The following ENPP6 variants were observed in gnomAD, a reference collection of about 807,000 sequenced individuals.
ENPP6 encodes glycerophosphocholine cholinephosphodiesterase ENPP6.
Under a neutral mutation model 42.0 loss-of-function variants are expected in ENPP6, and 32 were observed. The observed-to-expected ratio is 0.76, with a 90% CI of 0.58 to 1.02. ENPP6 has a LOEUF of 1.02. Ranked by LOEUF, ENPP6 falls within the 50% of genes least tolerant of loss-of-function variation. The pLI is 0.00. For synonymous variants in ENPP6, 213 were observed against 216.0 expected (o/e 0.99, Z 0.12); for missense variants, 552 against 566.8 (o/e 0.97, Z 0.27).
intron 1 of ENPP6, among the ~76,000 whole-genome samples, chr4:184,182,211 G>T (rs551820515): frequency 6.7e-6 from 1 of 150,098 alleles, no homozygotes; most frequent in Non-Finnish European, 1.5e-5. Flanking sequence ...GACAAAAACA[G>T]ACACTTCTCA....
chr4:184,192,174 A>G (rs969876964), intron 1 of ENPP6, among the ~76,000 whole-genome samples: 3 of 152,262 alleles, frequency 2.0e-5, no homozygotes, highest in African/African-American at 7.2e-5. Flanking sequence ...TAGCCAAAAC[A>G]ATCTTAAAAA....
intron 5 of ENPP6, among the ~76,000 whole-genome samples, chr4:184,114,387 T>C (rs1359302753): frequency 6.6e-6 from 1 of 152,236 alleles, no homozygotes; most frequent in African/African-American, 2.4e-5. Flanking sequence ...TCACTGAATA[T>C]AAGATTGAGT....
At chr4:184,209,154 C>T (rs1422020483) in intron 1 of ENPP6, among the ~76,000 whole-genome samples, 3 of 151,354 alleles carry the variant, frequency 2.0e-5, no homozygotes, top group Non-Finnish European at 4.4e-5. Context: ...AACAGAAAAA[C>T]TGGAAACTCT....
chr4:184,168,730 G>A (rs980784548), intron 1 of ENPP6, among the ~76,000 whole-genome samples: 1 of 152,204 alleles, frequency 6.6e-6, no homozygotes. Flanking sequence ...GGATTCGCAG[G>A]AATCTGACAG....
At chr4:184,182,502 A>C (rs1732569628) in intron 1 of ENPP6, among the ~76,000 whole-genome samples, 1 of 152,200 alleles carries the variant, frequency 6.6e-6, no homozygotes, top group African/African-American at 2.4e-5. Context: ...CAGGATTCCT[A>C]TTACTGGGTA....
At chr4:184,213,498 A>G (rs1196590968) in intron 1 of ENPP6, among the ~76,000 whole-genome samples, 1 of 152,128 alleles carries the variant, frequency 6.6e-6, no homozygotes, top group African/African-American at 2.4e-5. Flanking sequence ...AATGCTCATC[A>G]TCACTGGCCA....
intron 1 of ENPP6, among the ~76,000 whole-genome samples, chr4:184,213,960 AATC>A (rs1286689539): frequency 4.1e-5 from 5 of 122,516 alleles, no homozygotes; most frequent in Non-Finnish European, 8.7e-5. Flanking sequence ...TGAAATTGGA[AATC>A]ATCATTCTCA....
intron 2 of ENPP6, among the ~76,000 whole-genome samples, chr4:184,141,436 G>T (rs1736818502): frequency 6.6e-6 from 1 of 152,244 alleles, no homozygotes; most frequent in Non-Finnish European, 1.5e-5. Context: ...CTGTGGGGAA[G>T]GCGGCAACAA....
intron 2 of ENPP6, among the ~76,000 whole-genome samples, chr4:184,136,297 T>C (rs1736729124): frequency 6.6e-6 from 1 of 152,048 alleles, no homozygotes; most frequent in Non-Finnish European, 1.5e-5. Flanking sequence ...ACTTTAACTC[T>C]GAAATTTACA....
chr4:184,205,517 G>C (rs1732980510), intron 1 of ENPP6, among the ~76,000 whole-genome samples: 1 of 152,254 alleles, frequency 6.6e-6, no homozygotes. Context: ...GCCCCGAAGG[G>C]GCTGGGTGAC....
Position 184,178,747 on chromosome 4 carries a change from A to C in ENPP6, c.242-25014T>G, listed in dbSNP as rs376123948. Among the ~76,000 whole-genome samples, 13 of 152,330 alleles carry C rather than the reference A, an allele frequency of 8.5e-5. No homozygotes were observed. In the East Asian group the frequency reaches 2.5e-3, roughly 29 times the overall value. ...TAACATTCTTAAAGAAAAGAATTTC[A>C]AACCCAGAATTTCATATCTGGCCAA... On this transcript the variant is annotated intron_variant, in intron 1 of 7. Coordinates refer to ENST00000296741, the MANE Select transcript of ENPP6 (RefSeq NM_153343.4).
intron 1 of ENPP6, among the ~76,000 whole-genome samples, chr4:184,198,672 G>A (rs1371905164): frequency 6.6e-6 from 1 of 152,246 alleles, no homozygotes; most frequent in Non-Finnish European, 1.5e-5. Context: ...GAATGTGAAT[G>A]TATTTCCCTA....
intron 6 of ENPP6, among the ~76,000 whole-genome samples, chr4:184,097,958 G>A (rs1003387543): frequency 5.9e-5 from 9 of 152,168 alleles, no homozygotes; most frequent in Non-Finnish European, 1.0e-4. Flanking sequence ...CCTCACTCAC[G>A]TCTGCGCGAT....
At chr4:184,113,898 CTTTTCTTT>C (rs1295814030) in intron 5 of ENPP6, among the ~76,000 whole-genome samples, 26 of 122,738 alleles carry the variant, frequency 2.1e-4, no homozygotes, top group Non-Finnish European at 3.9e-4. Context: ...TCCTTTCTTT[CTTTTCTTT>C]CTTTCTTTCT....
rs149033951 is a variant in ENPP6, at chr4:184,202,755, G to A, written c.241+14824C>T. Among the ~76,000 whole-genome samples, 528 of 152,278 alleles carry A rather than the reference G, an allele frequency of 3.5e-3. 4 individuals are homozygous for A. The highest frequency in any genetic ancestry group is 0.012 in the African/African-American group (504 of 41,544). On this transcript the variant is annotated intron_variant, in intron 1 of 7. Transcript: ENST00000296741. ...TCCTCAAGGCCACGCACATGAGTGA[G>A]GAATAAACCTGAGCTATTCTAAGAC...
chr4:184,177,852 CA>C (rs766675937), intron 1 of ENPP6, among the ~76,000 whole-genome samples: 11 of 151,436 alleles, frequency 7.3e-5, no homozygotes, highest in Admixed American at 3.3e-4. Context: ...AAAGTCCCCA[CA>C]AAAACTCCAT....
Position 184,198,432 on chromosome 4 carries a change from G to A in ENPP6, c.241+19147C>T, listed in dbSNP as rs1053732557. On this transcript the variant is annotated intron_variant, in intron 1 of 7. Transcript: ENST00000296741. The stretch of plus-strand genomic sequence containing the variant: ...GGAGCCCTTCCGAGGCTGTACACTA[G>A]GGGAGGTCTCATAGATGGCCTTTAG... Among the ~76,000 whole-genome samples, 12 of 152,358 alleles carry A rather than the reference G, an allele frequency of 7.9e-5. No individual in the cohort carries two copies. In the East Asian group the frequency reaches 1.7e-3, roughly 22 times the overall value.
At chr4:184,199,256 G>A (rs1234316443) in intron 1 of ENPP6, among the ~76,000 whole-genome samples, 1 of 152,178 alleles carries the variant, frequency 6.6e-6, no homozygotes, top group Non-Finnish European at 1.5e-5. Flanking sequence ...TTCCCTCTTT[G>A]GTGGGCTCTG....
chr4:184,202,588 TCTC>T lies in ENPP6; in HGVS notation c.241+14988_241+14990del, dbSNP rs1316674105. Among the ~76,000 whole-genome samples, 8 of 152,180 alleles carry T rather than the reference TCTC, an allele frequency of 5.3e-5. No individual in the cohort carries two copies. In the East Asian group the frequency reaches 1.5e-3, roughly 29 times the overall value. On this transcript the variant is annotated intron_variant, in intron 1 of 7. Coordinates refer to ENST00000296741, the MANE Select transcript of ENPP6 (RefSeq NM_153343.4). ...TCCTTCTGACCTGACCACGCTCACTTCTCCTCCTTTGCCCAAACTATCCATGAT... is the reference window on the plus strand; with the variant it reads ...TCCTTCTGACCTGACCACGCTCACTTCTCCTTTGCCCAAACTATCCATGAT...
Sources: gnomAD v4.1 joint callset for allele counts (sites outside exome capture counted in the v4.1 genomes callset) on GRCh38, gnomAD v4.1.1 for gene constraint, MANE v1.5 for transcripts, NCBI Gene and HGNC (gene_info 2026-07-23, HGNC 2026-07-21) for gene names.